MYO3B: variants seen among roughly 807,000 people sequenced by gnomAD.
MYO3B encodes the protein myosin IIIB, also known as myosin-IIIb.
In MYO3B, 156 loss-of-function variants were observed where a neutral mutation model predicts 174.6. The observed-to-expected ratio is 0.89, with a 90% CI of 0.78 to 1.02. The LOEUF (loss-of-function observed/expected upper bound fraction) is 1.02, where lower values mean the gene tolerates loss of function less well. MYO3B is among the 50% of genes least tolerant of loss of function. The probability of loss-of-function intolerance (pLI) is 0.00; values close to 1 mark genes in which losing one functional copy is unlikely to be tolerated. For synonymous variants in MYO3B, 563 were observed against 569.1 expected (o/e 0.99, Z 0.15); for missense variants, 1,632 against 1,639.4 (o/e 1.00, Z 0.08).
chr2:170,548,997 AT>A (rs566576047), intron 32 of MYO3B, among the ~76,000 whole-genome samples: 7 of 151,930 alleles, frequency 4.6e-5, no homozygotes, highest in African/African-American at 9.7e-5. Flanking sequence ...GGTTTTAAGC[AT>A]TTTTTTTAGG....
intron 30 of MYO3B, among the ~76,000 whole-genome samples, chr2:170,535,581 G>GA (rs1689637753): frequency 1.3e-5 from 2 of 152,318 alleles, no homozygotes; most frequent in South Asian, 4.1e-4. Flanking sequence ...CTGAGAGCAT[G>GA]GGCTCCGGGT....
intron 8 of MYO3B, chr2:170,340,322 A>G (rs2093969229): frequency 1.3e-5 from 2 of 152,204 alleles, no homozygotes; most frequent in Admixed American, 1.3e-4. Context: ...GGTCAAGGGC[A>G]ATTCCACCAA....
chr2:170,601,926 G>A, intron 32 of MYO3B: 1 of 827,320 alleles, frequency 1.2e-6, no homozygotes, highest in Non-Finnish European at 2.0e-6. Context: ...ACAGCAAAAA[G>A]GCCGAAGGAG....
At chr2:170,240,492 T>G (rs756943603) in intron 7 of MYO3B, among the ~76,000 whole-genome samples, 4 of 152,160 alleles carry the variant, frequency 2.6e-5, no homozygotes, top group Non-Finnish European at 5.9e-5. Flanking sequence ...TCCCTCCTTT[T>G]CAGGGAGGAA....
intron 25 of MYO3B, among the ~76,000 whole-genome samples, chr2:170,477,571 T>C (rs1685394012): frequency 6.6e-6 from 1 of 151,952 alleles, no homozygotes; most frequent in African/African-American, 2.4e-5. Flanking sequence ...GAATAGCAAA[T>C]AAACATTCTT....
At chr2:170,310,686 A>AAAAG (rs1394362887) in intron 7 of MYO3B, among the ~76,000 whole-genome samples, 5 of 150,966 alleles carry the variant, frequency 3.3e-5, no homozygotes, top group African/African-American at 1.2e-4. Flanking sequence ...AAAAAAAAAA[A>AAAAG]AGAAATACAT....
Position 170,463,444 on chromosome 2 carries a change from G to C in MYO3B, c.2807G>C (p.Arg936Pro), listed in dbSNP as rs764401162. ...AGGCAAACTGTGGCTTCTTACTTCC[G>C]GGTATGGAGTCTTCTTGATCTCTAT... The part of the protein sequence containing the change: ...MKRQTVASYF[R>P]YSLMDLLSKM... Residue 936 changes from arginine (R) to proline (P), a missense_variant and splice_region_variant, in exon 24 of 35, where the codon CGG becomes CCG. By Grantham distance (103) the Arg-to-Pro change is moderately radical (BLOSUM62 -2). Coordinates refer to ENST00000408978, the MANE Select transcript of MYO3B (RefSeq NM_138995.5). 1 of 1,613,758 alleles carries C rather than the reference G, an allele frequency of 6.2e-7. No homozygotes were observed. Among genetic ancestry groups the C allele is most frequent in the East Asian group, 2.2e-5 (1 of 44,868 alleles).
chr2:170,266,713 T>C (rs146763556), intron 7 of MYO3B, among the ~76,000 whole-genome samples: 7 of 152,072 alleles, frequency 4.6e-5, no homozygotes, highest in Non-Finnish European at 1.0e-4. Flanking sequence ...ATCTGTGGGG[T>C]CAAAAGTTTA....
intron 6 of MYO3B, among the ~76,000 whole-genome samples, chr2:170,225,861 T>C (rs2092946631): frequency 6.6e-6 from 1 of 152,230 alleles, no homozygotes; most frequent in Non-Finnish European, 1.5e-5. Context: ...TTCAGGGCAG[T>C]GCCAGACGCA....
intron 25 of MYO3B, among the ~76,000 whole-genome samples, chr2:170,480,088 A>G (rs1685591521): frequency 6.6e-6 from 1 of 151,190 alleles, no homozygotes; most frequent in African/African-American, 2.4e-5. Context: ...ATATTTGTTT[A>G]TTTATAGACA....
At chr2:170,425,515 T>G (rs1015885215) in intron 22 of MYO3B, among the ~76,000 whole-genome samples, 4 of 152,272 alleles carry the variant, frequency 2.6e-5, no homozygotes, top group African/African-American at 7.2e-5. Flanking sequence ...GTTCCATCTT[T>G]GCATTTCGCA....
chr2:170,560,882 C>T (rs1037651311), intron 32 of MYO3B, among the ~76,000 whole-genome samples: 8 of 152,084 alleles, frequency 5.3e-5, no homozygotes, highest in African/African-American at 1.4e-4. Context: ...CTGGGGGTAC[C>T]GACGGGGGAC....
intron 12 of MYO3B, 66 bp from the exon 13 acceptor site, chr2:170,386,123 A>AT: frequency 1.5e-6 from 2 of 1,322,866 alleles, no homozygotes; most frequent in Non-Finnish European, 2.2e-6. Context: ...AGTGGATGTT[A>AT]TATGAAGCAT....
At chr2:170,281,018 C>CATTTGTA (rs1434796679) in intron 7 of MYO3B, among the ~76,000 whole-genome samples, 1 of 152,066 alleles carries the variant, frequency 6.6e-6, no homozygotes, top group East Asian at 1.9e-4. Flanking sequence ...TGAAGAATGT[C>CATTTGTA]ATTTGTAATT....
At chr2:170,467,622 C>T (rs1684724448) in intron 25 of MYO3B, among the ~76,000 whole-genome samples, 1 of 150,776 alleles carries the variant, frequency 6.6e-6, no homozygotes, top group South Asian at 2.1e-4. Context: ...ACAAGGCAAT[C>T]AAGAAAAAAA....
chr2:170,182,890 T>G (rs910549982), intron 1 of MYO3B, among the ~76,000 whole-genome samples: 1 of 152,068 alleles, frequency 6.6e-6, no homozygotes, highest in Non-Finnish European at 1.5e-5. Context: ...ATTACAGGTG[T>G]GAGCCACTGT....
intron 1 of MYO3B, among the ~76,000 whole-genome samples, chr2:170,182,146 T>A (rs1204151677): frequency 6.6e-6 from 1 of 152,178 alleles, no homozygotes. Flanking sequence ...ACCTTTTTAC[T>A]TGTATGCAAT....
chr2:170,492,360 C>T (rs1181451723), intron 25 of MYO3B, among the ~76,000 whole-genome samples: 1 of 152,182 alleles, frequency 6.6e-6, no homozygotes, highest in Non-Finnish European at 1.5e-5. Context: ...TTCTCTTTAT[C>T]TTTAGCTCTC....
At chr2:170,549,634 T>G (rs1293126102) in intron 32 of MYO3B, among the ~76,000 whole-genome samples, 1 of 152,214 alleles carries the variant, frequency 6.6e-6, no homozygotes, top group Admixed American at 6.5e-5. Flanking sequence ...CTTGGAAACT[T>G]TGATCCTTAA....
Sources: gnomAD v4.1 joint callset for allele counts (sites outside exome capture counted in the v4.1 genomes callset) on GRCh38, gnomAD v4.1.1 for gene constraint, MANE v1.5 for transcripts, NCBI Gene and HGNC (gene_info 2026-07-23, HGNC 2026-07-21) for gene names.